Variants in TMBIM6 observed in about 807,000 individuals in gnomAD.
The protein encoded by TMBIM6 is transmembrane BAX inhibitor motif containing 6, also known as bax inhibitor 1.
TMBIM6 carries 13 observed loss-of-function variants against 31.4 expected under a neutral mutation model. The ratio of observed to expected loss-of-function variants is 0.41; its 90% confidence interval spans 0.27 to 0.66. The LOEUF is 0.66. TMBIM6 is among the 30% of genes least tolerant of loss of function. The pLI is 0.28. For missense variants in TMBIM6, 275 were observed against 289.5 expected, an observed-to-expected ratio of 0.95 and a Z score of 0.36; for synonymous variants, 85 against 101.7, an observed-to-expected ratio of 0.84 and a Z score of 0.99.
At chr12:49,752,675 T>C in intron 2 of TMBIM6, 126 bp downstream of exon 2, 1 of 822,640 alleles carries the variant, frequency 1.2e-6, no homozygotes, top group Non-Finnish European at 1.9e-6. Context: ...CCAGAGGACC[T>C]GATGAAAATG....
intron 1 of TMBIM6, among the ~76,000 whole-genome samples, chr12:49,750,939 G>A (rs1044653606): frequency 1.3e-5 from 2 of 152,132 alleles, no homozygotes; most frequent in African/African-American, 4.8e-5. Context: ...TTCAGTAGGT[G>A]GCGTTTCACA....
intron 1 of TMBIM6, 51 bp from the exon 2 acceptor site, chr12:49,752,413 T>G: frequency 7.7e-7 from 1 of 1,305,558 alleles, no homozygotes; most frequent in Non-Finnish European, 1.1e-6. Context: ...TTATAAGCTG[T>G]TCGTGTGATT....
At chr12:49,757,800 T>G (rs1408958444) in intron 4 of TMBIM6, among the ~76,000 whole-genome samples, 5 of 152,240 alleles carry the variant, frequency 3.3e-5, no homozygotes, top group Non-Finnish European at 5.9e-5. Flanking sequence ...AGTCTCACCT[T>G]TCTTTGCTAC....
intron 2 of TMBIM6, 54 bp from the exon 3 acceptor site, chr12:49,752,919 T>C: frequency 6.7e-7 from 1 of 1,501,570 alleles, no homozygotes; most frequent in Non-Finnish European, 9.2e-7. Context: ...TCTTCTTAGC[T>C]TAAATATGAG....
Position 49,758,321 on chromosome 12 carries a change from T to C in TMBIM6, c.335+46T>C, listed in dbSNP as rs750818858. ...TTATGTGCTTTTATCTTTATGAATA[T>C]ACCTTCTAAATGTAGACCGTATACC... is the stretch of plus-strand genomic sequence containing the variant. On this transcript the variant is annotated intron_variant, in intron 5 of 9. Transcript: ENST00000267115. The C allele has an allele frequency of 1.4e-5, 23 of 1,613,832 alleles. 1 individual carries two copies. In the South Asian group the frequency reaches 2.5e-4, roughly 18 times the overall value.
intron 1 of TMBIM6, among the ~76,000 whole-genome samples, chr12:49,744,021 A>G (rs1398970521): frequency 5.9e-5 from 9 of 152,206 alleles, no homozygotes; most frequent in Non-Finnish European, 1.5e-5. Context: ...TAGGTTATAT[A>G]GTAGAAAGTG....
chr12:49,752,650 T>A, intron 2 of TMBIM6, 101 bp downstream of exon 2: 1 of 1,022,464 alleles, frequency 9.8e-7, no homozygotes, highest in Non-Finnish European at 1.5e-6. Context: ...GCTAACAAAT[T>A]AACTTGGCCA....
intron 1 of TMBIM6, among the ~76,000 whole-genome samples, chr12:49,747,741 A>C (rs1945422149): frequency 6.6e-6 from 1 of 152,176 alleles, no homozygotes; most frequent in Non-Finnish European, 1.5e-5. Flanking sequence ...GTTGCTGTAC[A>C]CACTGAGGCA....
At chr12:49,745,797 CAT>C (rs1210012891) in intron 1 of TMBIM6, among the ~76,000 whole-genome samples, 2 of 151,810 alleles carry the variant, frequency 1.3e-5, no homozygotes, top group African/African-American at 2.4e-5. Flanking sequence ...GATATTTTCA[CAT>C]GAGATATTTA....
chr12:49,757,867 C>G (rs1315496716), intron 4 of TMBIM6, among the ~76,000 whole-genome samples: 3 of 152,140 alleles, frequency 2.0e-5, no homozygotes, highest in African/African-American at 4.8e-5. Context: ...CACTGTTTTG[C>G]TCTTTATCCT....
At chr12:49,753,221 A>G (rs756013167) in intron 3 of TMBIM6, 140 bp downstream of exon 3, 51 of 629,960 alleles carry the variant, frequency 8.1e-5, no homozygotes, top group Non-Finnish European at 1.3e-4. Flanking sequence ...ACATTAAATC[A>G]GGACATGTAA....
chr12:49,750,121 A>G (rs1945468678), intron 1 of TMBIM6, among the ~76,000 whole-genome samples: 3 of 152,108 alleles, frequency 2.0e-5, no homozygotes, highest in African/African-American at 7.2e-5. Context: ...TGGTTTTTCC[A>G]TCAACAGTTG....
chr12:49,755,430 C>A (rs538199032), intron 3 of TMBIM6, among the ~76,000 whole-genome samples: 9 of 152,304 alleles, frequency 5.9e-5, no homozygotes, highest in Admixed American at 5.2e-4. Flanking sequence ...CTCCAGCATC[C>A]ACCATGGTCC....
In TMBIM6 at chr12:49,762,973, G is replaced by A. The variant is rs528037654; in HGVS notation, c.*77G>A. 32 of 1,462,992 alleles carry A rather than the reference G, an allele frequency of 2.2e-5. No homozygotes were observed. The Admixed American group carries it at 3.5e-4, about 16-fold the overall frequency. 90.6% of individuals were successfully genotyped at this position (1,462,992 alleles called of 1,614,324 possible). A position where few individuals can be genotyped will look rare whatever the true frequency, so the allele number is the denominator to read the frequency against. ...TTCCTTTTTGCACACATTACAGGTG[G>A]TGTGTTCTGTGATAATGAAAAGCAT... On this transcript the variant is annotated 3_prime_UTR_variant, in exon 10 of 10. Transcript: ENST00000267115.
intron 1 of TMBIM6, among the ~76,000 whole-genome samples, chr12:49,750,083 C>T (rs1272372946): frequency 6.6e-6 from 1 of 152,176 alleles, no homozygotes; most frequent in Middle Eastern, 3.2e-3. Flanking sequence ...CATCCCCCTG[C>T]CCCAACCCAC....
intron 3 of TMBIM6, 42 bp downstream of exon 3, chr12:49,753,123 C>T (rs757123699): frequency 6.4e-7 from 1 of 1,565,414 alleles, no homozygotes; most frequent in Middle Eastern, 1.7e-4. Flanking sequence ...GTACAAATTA[C>T]ATTAGGAAAA....
At position 49,763,925 on chromosome 12, in the gene TMBIM6, C is replaced by T. The variant is rs1329014158; in HGVS notation, c.*1029C>T. The T allele has an allele frequency of 1.3e-5, 2 of 152,312 alleles. No individual in the cohort carries two copies. Among genetic ancestry groups the T allele is most frequent in the South Asian group, 2.1e-4 (1 of 4,824 alleles). The allele number at this position is 152,312 out of a possible 1,614,324, so 9.4% of individuals were successfully genotyped here. On this transcript the variant is annotated 3_prime_UTR_variant, in exon 10 of 10. Transcript: ENST00000267115. ...CATCAACAGAGCGAGGCTGTGATAA[C>T]TTAGGAGGCAGCAATCCTAATAGTC...
chr12:49,747,960 A>G (rs777893565), intron 1 of TMBIM6, among the ~76,000 whole-genome samples: 9 of 152,134 alleles, frequency 5.9e-5, no homozygotes, highest in Non-Finnish European at 1.3e-4. Flanking sequence ...GTGGAGGGCA[A>G]TGGCGTGATC....
rs746928453 is a variant in TMBIM6 at position 49,763,303 on chromosome 12, G to A, written c.*407G>A. On this transcript the variant is annotated 3_prime_UTR_variant, in exon 10 of 10. Transcript: ENST00000267115. ...CCTTCCTCATTGTTGTTTGGTATGCGCACAGTTCCTGTGGGACTGGGCCGT... is the reference window on the plus strand; with the variant it reads ...CCTTCCTCATTGTTGTTTGGTATGCACACAGTTCCTGTGGGACTGGGCCGT... 6.6e-5 allele frequency: 11 copies of A among 166,856 alleles called. No homozygotes were observed. The highest frequency in any genetic ancestry group is 3.3e-4 in the South Asian group (2 of 6,108). The allele number at this position is 166,856 out of a possible 1,614,324, so 10.3% of individuals were successfully genotyped here. A position where few individuals can be genotyped will look rare whatever the true frequency, so the allele number is the denominator to read the frequency against.
Sources: allele counts gnomAD v4.1 joint callset (sites outside exome capture counted in the v4.1 genomes callset), GRCh38; gene constraint gnomAD v4.1.1; transcripts MANE v1.5; gene names NCBI Gene and HGNC (gene_info 2026-07-23, HGNC 2026-07-21).